The following SIRPG variants were observed in gnomAD, a reference collection of about 807,000 sequenced individuals.
SIRPG encodes signal-regulatory protein gamma.
SIRPG carries 38 observed loss-of-function variants against 35.7 expected under a neutral mutation model. The ratio of observed to expected loss-of-function variants is 1.06; its 90% CI spans 0.82 to 1.40. SIRPG has a LOEUF of 1.40. Ranked by LOEUF, SIRPG falls within the 40% of genes most tolerant of loss-of-function variation. The pLI, the probability that SIRPG is intolerant of heterozygous loss-of-function variation, is 0.00. For missense variants in SIRPG, 519 were observed against 483.0 expected, an observed-to-expected ratio of 1.07 and a Z score of -0.70; for synonymous variants, 215 against 190.4, an observed-to-expected ratio of 1.13 and a Z score of -1.06.
At chr20:1,656,478 TA>T (rs1248728321) in intron 1 of SIRPG, among the ~76,000 whole-genome samples, 2 of 152,048 alleles carry the variant, frequency 1.3e-5, no homozygotes, top group African/African-American at 2.4e-5. Flanking sequence ...AGTGTATGTG[TA>T]AAAAAAATAA....
intron 1 of SIRPG, among the ~76,000 whole-genome samples, chr20:1,656,288 C>T (rs2091974920): frequency 6.6e-6 from 1 of 152,190 alleles, no homozygotes; most frequent in Admixed American, 6.5e-5. Flanking sequence ...AAGTAGGGGA[C>T]AATGAACAGG....
At chr20:1,685,166 G>A in the SIRPG span, among the ~76,000 whole-genome samples, 1 of 152,256 alleles carries the variant, frequency 6.6e-6, no homozygotes, top group African/African-American at 2.4e-5. Flanking sequence ...GCTGCACCAG[G>A]AAAGGTCTTC....
the SIRPG span, among the ~76,000 whole-genome samples, chr20:1,678,245 C>A: frequency 1.1e-5 from 1 of 89,418 alleles, no homozygotes; most frequent in Non-Finnish European, 2.6e-5. Context: ...ATGTGATACA[C>A]TGTGGGCCCA....
chr20:1,671,321 G>C, the SIRPG span: 1 of 163,176 alleles, frequency 6.1e-6, no homozygotes, highest in African/African-American at 2.4e-5. Flanking sequence ...TGTGGAGAGG[G>C]TGGTGTCCTC....
At chr20:1,631,073 C>A (rs1568721699) in intron 4 of SIRPG, among the ~76,000 whole-genome samples, 1 of 152,154 alleles carries the variant, frequency 6.6e-6, no homozygotes, top group Non-Finnish European at 1.5e-5. Flanking sequence ...TACGGGGAAG[C>A]ACATGTTTGG....
intron 1 of SIRPG, 85 bp downstream of exon 1, chr20:1,657,557 G>A (rs902746434): frequency 7.5e-7 from 1 of 1,330,312 alleles, no homozygotes; most frequent in African/African-American, 1.4e-5. Context: ...CAGTGCTTGT[G>A]CTTATCTGAA....
chr20:1,632,196 C>T (rs1363875654), intron 4 of SIRPG, among the ~76,000 whole-genome samples: 3 of 152,124 alleles, frequency 2.0e-5, no homozygotes, highest in Admixed American at 1.3e-4. Flanking sequence ...ACAATTGCAG[C>T]AGCATAGCTA....
Position 1,635,583 on chromosome 20 carries a change from C to T in SIRPG, c.765G>A (p.Glu255=). ...SEAIRVPPTL[E]VTQQPMRVGN... is the part of the protein sequence containing the mutation. Reference sequence around the variant, plus strand: ...CCACCCTCATGGGCTGTTGAGTAACCTCCAAGGTGGGTGGAACTGAAACAG... The same window carrying T: ...CCACCCTCATGGGCTGTTGAGTAACTTCCAAGGTGGGTGGAACTGAAACAG... The change falls in exon 4 of 6, where the codon GAG becomes GAA. Residue 255 remains glutamate, a synonymous_variant. Coordinates refer to ENST00000303415, the MANE Select transcript of SIRPG (RefSeq NM_018556.4). The T allele has an allele frequency of 5.6e-6, 9 of 1,614,112 alleles. No individual in the cohort carries two copies. The highest frequency in any genetic ancestry group is 7.6e-6 in the Non-Finnish European group (9 of 1,179,980).
chr20:1,641,259 G>A (rs2091849986), intron 2 of SIRPG, among the ~76,000 whole-genome samples: 1 of 152,098 alleles, frequency 6.6e-6, no homozygotes, highest in African/African-American at 2.4e-5. Flanking sequence ...TTGGTTGGTA[G>A]GCTATTAATT....
At chr20:1,631,108 T>C (rs933459946) in intron 4 of SIRPG, among the ~76,000 whole-genome samples, 2 of 152,190 alleles carry the variant, frequency 1.3e-5, no homozygotes, top group Non-Finnish European at 2.9e-5. Flanking sequence ...ACATGAGCAG[T>C]TCAGGCTTTT....
chr20:1,657,723 C>T lies in SIRPG; in HGVS notation c.-9G>A, dbSNP rs201373178. ...GAGGCTGGGACAGGCATTTTGGAGACCTCAGAAGCCTGCTCTGTTCAAACG... is the reference window on the plus strand; with the variant it reads ...GAGGCTGGGACAGGCATTTTGGAGATCTCAGAAGCCTGCTCTGTTCAAACG... On this transcript the variant is annotated 5_prime_UTR_variant, in exon 1 of 6. Transcript: ENST00000303415. 1.2e-6 allele frequency: 2 copies of T among 1,613,808 alleles called. No homozygotes were observed. The highest frequency in any genetic ancestry group is 1.7e-6 in the Non-Finnish European group (2 of 1,179,734).
intron 4 of SIRPG, among the ~76,000 whole-genome samples, chr20:1,634,965 C>T (rs1254569103): frequency 6.6e-6 from 1 of 151,782 alleles, no homozygotes; most frequent in Non-Finnish European, 1.5e-5. Flanking sequence ...ATGGCGTGAA[C>T]CCGGGAGGCG....
intron 2 of SIRPG, among the ~76,000 whole-genome samples, chr20:1,638,961 T>C (rs1052841290): frequency 1.3e-5 from 2 of 152,232 alleles, no homozygotes; most frequent in Non-Finnish European, 1.5e-5. Flanking sequence ...CATTCTTTTT[T>C]ATGGCTGCAT....
intron 2 of SIRPG, among the ~76,000 whole-genome samples, chr20:1,640,362 T>C (rs1026302335): frequency 6.6e-6 from 1 of 152,166 alleles, no homozygotes; most frequent in African/African-American, 2.4e-5. Flanking sequence ...TTTATTCTCT[T>C]TGTACCAATT....
chr20:1,684,371 T>C, the SIRPG span, among the ~76,000 whole-genome samples: 1 of 143,900 alleles, frequency 6.9e-6, no homozygotes, highest in African/African-American at 2.9e-5. Flanking sequence ...CTTATGTACA[T>C]GTATGTACAC....
chr20:1,685,693 G>T, the SIRPG span, among the ~76,000 whole-genome samples: 1 of 152,166 alleles, frequency 6.6e-6, no homozygotes, highest in Non-Finnish European at 1.5e-5. Context: ...CAAAAAAATG[G>T]GTGGTAACAC....
the SIRPG span, among the ~76,000 whole-genome samples, chr20:1,663,950 T>A: frequency 0.034 from 5,110 of 152,314 alleles, 129 homozygotes; most frequent in Middle Eastern, 0.058. Context: ...TGGCTTGTGG[T>A]TCTGCAGACT....
chr20:1,675,634 GCTTTAGTGCCTCAT>G, the SIRPG span, among the ~76,000 whole-genome samples: 1 of 152,154 alleles, frequency 6.6e-6, no homozygotes, highest in African/African-American at 2.4e-5. Context: ...TCCTCTCTGA[GCTTTAGTGCCTCAT>G]CTTTAACCCA....
chr20:1,631,011 A>G (rs1483498495), intron 4 of SIRPG, among the ~76,000 whole-genome samples: 1 of 152,058 alleles, frequency 6.6e-6, no homozygotes, highest in Non-Finnish European at 1.5e-5. Context: ...GGCCACCTCC[A>G]CCCCAGTGCA....
Sources: allele counts gnomAD v4.1 joint callset (sites outside exome capture counted in the v4.1 genomes callset), GRCh38; gene constraint gnomAD v4.1.1; transcripts MANE v1.5; gene names NCBI Gene and HGNC (gene_info 2026-07-23, HGNC 2026-07-21).